The following CSMD1 variants were observed in gnomAD, a reference collection of about 807,000 sequenced individuals.
CSMD1 encodes CUB and Sushi multiple domains 1, also known as CUB and sushi domain-containing protein 1.
Under a neutral mutation model 417.5 loss-of-function variants are expected in CSMD1, and 213 were observed. The observed-to-expected ratio is 0.51, with a 90% CI of 0.46 to 0.57. The LOEUF (loss-of-function observed/expected upper bound fraction) is 0.57. CSMD1 is among the 20% of genes least tolerant of loss of function. The pLI, the probability that CSMD1 is intolerant of heterozygous loss-of-function variation, is 0.00. For synonymous variants in CSMD1, 2,862 were observed against 1,736.8 expected (o/e 1.65, Z -16.11); for missense variants, 6,923 against 4,529.7 (o/e 1.53, Z -15.17).
intron 3 of CSMD1, among the ~76,000 whole-genome samples, chr8:4,076,127 T>G (rs1342006648): frequency 6.6e-6 from 1 of 152,260 alleles, no homozygotes; most frequent in African/African-American, 2.4e-5. Flanking sequence ...GGAGGGACCC[T>G]GTAGGAGGTA....
chr8:4,716,043 T>C (rs192497500), intron 1 of CSMD1, among the ~76,000 whole-genome samples: 26 of 152,194 alleles, frequency 1.7e-4, no homozygotes, highest in Middle Eastern at 3.4e-3. Context: ...AGCCAACCAA[T>C]AGTAAGGGAG....
At chr8:3,036,835 C>A (rs1009212910) in intron 50 of CSMD1, among the ~76,000 whole-genome samples, 1 of 151,918 alleles carries the variant, frequency 6.6e-6, no homozygotes, top group Non-Finnish European at 1.5e-5. Flanking sequence ...AAAATTATTT[C>A]AATAGCTTTT....
At chr8:3,400,264 C>G (rs1032508761) in intron 15 of CSMD1, among the ~76,000 whole-genome samples, 8 of 152,208 alleles carry the variant, frequency 5.3e-5, no homozygotes, top group East Asian at 3.9e-4. Flanking sequence ...CACATGTTTT[C>G]TTTCAGATTT....
At chr8:3,245,144 G>T (rs909734274) in intron 26 of CSMD1, among the ~76,000 whole-genome samples, 4 of 152,188 alleles carry the variant, frequency 2.6e-5, no homozygotes, top group African/African-American at 9.7e-5. Context: ...AATTGAGTTT[G>T]TATTTACTAT....
At chr8:4,894,527 TG>T (rs1804347531) in intron 1 of CSMD1, among the ~76,000 whole-genome samples, 1 of 144,904 alleles carries the variant, frequency 6.9e-6, no homozygotes, top group Admixed American at 7.1e-5. Context: ...CATTCCAGCC[TG>T]GGGACAACAG....
At chr8:3,502,514 G>C (rs917492075) in intron 10 of CSMD1, among the ~76,000 whole-genome samples, 3 of 152,130 alleles carry the variant, frequency 2.0e-5, no homozygotes, top group African/African-American at 7.2e-5. Flanking sequence ...CCAGACAGTG[G>C]AATATTATTC....
At chr8:4,516,016 G>C (rs978336269) in intron 2 of CSMD1, among the ~76,000 whole-genome samples, 1 of 152,162 alleles carries the variant, frequency 6.6e-6, no homozygotes, top group African/African-American at 2.4e-5. Flanking sequence ...GGAGTTGTAA[G>C]ATCCTGTTGA....
At chr8:4,143,622 T>G (rs1232911069) in intron 3 of CSMD1, among the ~76,000 whole-genome samples, 1 of 151,068 alleles carries the variant, frequency 6.6e-6, no homozygotes, top group African/African-American at 2.5e-5. Flanking sequence ...ACTCTGAGGG[T>G]ACACCTGATA....
chr8:3,183,624 G>C (rs574485208), intron 36 of CSMD1, among the ~76,000 whole-genome samples: 2 of 142,938 alleles, frequency 1.4e-5, no homozygotes, highest in Admixed American at 7.0e-5. Flanking sequence ...GTTTCTTAAC[G>C]ATACCATCGG....
intron 5 of CSMD1, among the ~76,000 whole-genome samples, chr8:3,883,613 C>A (rs954850708): frequency 6.6e-6 from 1 of 152,008 alleles, no homozygotes; most frequent in Non-Finnish European, 1.5e-5. Context: ...TATTTGATAT[C>A]AATTAATATC....
intron 1 of CSMD1, among the ~76,000 whole-genome samples, chr8:4,746,959 G>C (rs1490526790): frequency 6.6e-6 from 1 of 152,282 alleles, no homozygotes; most frequent in African/African-American, 2.4e-5. Flanking sequence ...TCCCAAATTA[G>C]AGAGAGGGAA....
At chr8:4,434,337 G>A (rs1213621286) in intron 2 of CSMD1, among the ~76,000 whole-genome samples, 1 of 152,150 alleles carries the variant, frequency 6.6e-6, no homozygotes, top group Admixed American at 6.5e-5. Context: ...TTACACTCCA[G>A]CCTGGGCAAC....
chr8:4,318,736 C>T (rs764199438), intron 3 of CSMD1, among the ~76,000 whole-genome samples: 30 of 148,416 alleles, frequency 2.0e-4, no homozygotes, highest in Middle Eastern at 7.2e-3. Flanking sequence ...AAGCCACTCT[C>T]TGTACTGGTT....
At position 2,937,745 on chromosome 8, in the gene CSMD1, G is replaced by A. The variant is rs1029530773; in HGVS notation, c.*840C>T. 3 of 152,564 alleles carry A rather than the reference G, an allele frequency of 2.0e-5. No individual in the cohort carries two copies. Among genetic ancestry groups the A allele is most frequent in the Admixed American group, 6.5e-5 (1 of 15,276 alleles). 9.5% of individuals were successfully genotyped at this position (152,564 alleles called of 1,614,324 possible). ...TAATAAAATAAATCTCTTCAATACT[G>A]TATTTCCTTTTAAAATCTGTGCCAT... On this transcript the variant is annotated 3_prime_UTR_variant, in exon 70 of 70. Transcript: ENST00000635120.
chr8:3,307,567 C>T (rs1804973330), intron 25 of CSMD1, 128 bp downstream of exon 25: 1 of 1,118,808 alleles, frequency 8.9e-7, no homozygotes, highest in Non-Finnish European at 1.3e-6. Context: ...CTTTTAGCTA[C>T]AGCTTTACCT....
At chr8:3,046,661 T>C (rs1164051870) in intron 50 of CSMD1, among the ~76,000 whole-genome samples, 3 of 152,118 alleles carry the variant, frequency 2.0e-5, no homozygotes, top group Non-Finnish European at 4.4e-5. Flanking sequence ...ATTGCTGCCT[T>C]TTCCTGATGC....
intron 5 of CSMD1, among the ~76,000 whole-genome samples, chr8:3,904,495 G>A (rs142466490): frequency 2.6e-4 from 39 of 152,222 alleles, no homozygotes; most frequent in African/African-American, 7.0e-4. Flanking sequence ...TCTACGGTGC[G>A]GCTTGGTATT....
chr8:4,582,724 G>C (rs1041756564), intron 2 of CSMD1, among the ~76,000 whole-genome samples: 1 of 152,202 alleles, frequency 6.6e-6, no homozygotes, highest in Non-Finnish European at 1.5e-5. Context: ...TCCCACTTTG[G>C]TGGCACTTGA....
chr8:4,619,942 T>C (rs1801675993), intron 2 of CSMD1, among the ~76,000 whole-genome samples: 1 of 152,114 alleles, frequency 6.6e-6, no homozygotes, highest in African/African-American at 2.4e-5. Flanking sequence ...AATACATTTA[T>C]ATTTATATGC....
Sources: gnomAD v4.1 joint callset for allele counts (sites outside exome capture counted in the v4.1 genomes callset) on GRCh38, gnomAD v4.1.1 for gene constraint, MANE v1.5 for transcripts, NCBI Gene and HGNC (gene_info 2026-07-23, HGNC 2026-07-21) for gene names.